C4orf50: variants seen among roughly 807,000 people sequenced by gnomAD.
C4orf50 encodes chromosome 4 open reading frame 50, also known as uncharacterized protein C4orf50.
C4orf50 carries 80 observed loss-of-function variants against 77.2 expected under a neutral mutation model. The observed-to-expected ratio is 1.04, with a 90% CI of 0.87 to 1.25. C4orf50 has a LOEUF of 1.25. C4orf50 is among the 50% of genes most tolerant of loss of function. The pLI is 0.00. For missense variants in C4orf50, 1,257 were observed against 1,152.9 expected (o/e 1.09, Z -1.31); for synonymous variants, 532 against 465.3 (o/e 1.14, Z -1.84).
At chr4:5,924,500 G>A (rs989952525) in intron 7 of C4orf50, among the ~76,000 whole-genome samples, 2 of 152,160 alleles carry the variant, frequency 1.3e-5, no homozygotes, top group African/African-American at 2.4e-5. Context: ...AAGGCCAGAC[G>A]GTTTGTTGGA....
At chr4:5,944,188 G>T (rs550102531) in intron 7 of C4orf50, among the ~76,000 whole-genome samples, 8 of 152,178 alleles carry the variant, frequency 5.3e-5, no homozygotes, top group Non-Finnish European at 1.0e-4. Context: ...GAGTCATAGT[G>T]GACAGTCTCT....
chr4:5,956,069 G>A (rs958255663), downstream of C4orf50, among the ~76,000 whole-genome samples: 3 of 152,180 alleles, frequency 2.0e-5, no homozygotes, highest in African/African-American at 4.8e-5. Context: ...ATATAACCAC[G>A]GGGATAGGTT....
At chr4:5,959,830 T>C (rs1322568115) in intron 33 of C4orf50, among the ~76,000 whole-genome samples, 1 of 152,226 alleles carries the variant, frequency 6.6e-6, no homozygotes, top group Non-Finnish European at 1.5e-5. Flanking sequence ...CATCACTGCG[T>C]TCTGGGTCAG....
Position 6,015,630 on chromosome 4 carries a change from G to A in C4orf50, c.287+2515C>T, listed in dbSNP as rs1002654514. On this transcript the variant is annotated intron_variant, in intron 23 of 33. Coordinates refer to ENST00000531445, the Ensembl canonical transcript of C4orf50. This position sits in a 1 kb window ranked among gnomAD's most constrained non-coding sequence, Gnocchi z 4.4. Reference sequence around the variant, plus strand: ...TGGTCTCCTCCTGCAGCTGTAACACGTCACCACAAGCTTGGCGGCCAGAAG... The same window carrying A: ...TGGTCTCCTCCTGCAGCTGTAACACATCACCACAAGCTTGGCGGCCAGAAG... Among the ~76,000 whole-genome samples the A allele has an allele frequency of 1.3e-5, 2 of 152,074 alleles. No individual in the cohort carries two copies. The highest frequency in any genetic ancestry group is 2.1e-4 in the South Asian group (1 of 4,810).
At chr4:6,010,485 T>C (rs1722448407) in intron 24 of C4orf50, among the ~76,000 whole-genome samples, 1 of 152,238 alleles carries the variant, frequency 6.6e-6, no homozygotes, top group Non-Finnish European at 1.5e-5. Context: ...GTGAACATCA[T>C]GCTCATTATA....
At chr4:5,963,123 C>T (rs541018136) in intron 33 of C4orf50, among the ~76,000 whole-genome samples, 40 of 151,990 alleles carry the variant, frequency 2.6e-4, no homozygotes, top group African/African-American at 8.0e-4. Context: ...CTCAGCCTCC[C>T]GAGTAGCTGA....
intron 33 of C4orf50, among the ~76,000 whole-genome samples, chr4:5,961,674 A>G (rs1333685604): frequency 6.6e-6 from 1 of 152,206 alleles, no homozygotes; most frequent in African/African-American, 2.4e-5. Context: ...CCACAGTGAC[A>G]GCTGAACCCA....
rs931949868 is a variant in C4orf50, at chr4:5,988,810, T to C, written c.3236A>G (p.Glu1079Gly). The change falls in exon 28 of 34, where the codon GAA becomes GGA. Residue 1079 changes from glutamate to glycine, a missense_variant. Physicochemically the swap from Glu to Gly is moderately conservative, Grantham distance 98 (BLOSUM62 -2). Coordinates refer to ENST00000531445, the Ensembl canonical transcript of C4orf50. The stretch of plus-strand genomic sequence containing the variant: ...CCCACTTAAGGCCCGGATCATGTCT[T>C]CTATTCCTAGCACGATATCCTTTAT... 2.0e-6 allele frequency: 3 copies of C among 1,535,988 alleles called. No homozygotes were observed. In the Admixed American group the frequency reaches 5.9e-5, roughly 30 times the overall value.
intron 28 of C4orf50, among the ~76,000 whole-genome samples, chr4:5,987,708 A>G (rs1441136916): frequency 6.7e-6 from 1 of 148,974 alleles, no homozygotes; most frequent in East Asian, 1.9e-4. Flanking sequence ...AGAAATAGAG[A>G]TAGAAAATGG....
rs748550016 is a variant in C4orf50 at position 5,980,156 on chromosome 4, A to G, written c.3864+18T>C. 2 of 1,554,446 alleles carry G rather than the reference A, an allele frequency of 1.3e-6. No homozygotes were observed. The highest frequency in any genetic ancestry group is 2.8e-5 in the African/African-American group (2 of 72,230). On this transcript the variant is annotated intron_variant, in intron 29 of 33. Transcript: ENST00000531445. ...GGAGCCCTGGCTGACAAGAGGGGAAAGAAAGCACTTCCCACACCTTGGCCT... is the reference window on the plus strand; with the variant it reads ...GGAGCCCTGGCTGACAAGAGGGGAAGGAAAGCACTTCCCACACCTTGGCCT...
intron 7 of C4orf50, among the ~76,000 whole-genome samples, chr4:5,911,673 G>A (rs1022679217): frequency 1.3e-5 from 2 of 152,176 alleles, no homozygotes; most frequent in African/African-American, 4.8e-5. Flanking sequence ...GCCCTGGTGG[G>A]GAACAGAAAT....
At chr4:5,942,282 G>A (rs1718299609) in intron 7 of C4orf50, among the ~76,000 whole-genome samples, 1 of 152,212 alleles carries the variant, frequency 6.6e-6, no homozygotes, top group Admixed American at 6.5e-5. Context: ...AAGATCAGGA[G>A]CAGGGTGGTC....
At position 5,970,168 on chromosome 4, in the gene C4orf50, C is replaced by T. The variant is rs576881735; in HGVS notation, c.4105-2706G>A. On this transcript the variant is annotated intron_variant, in intron 31 of 33. Coordinates refer to ENST00000531445, the Ensembl canonical transcript of C4orf50. The surrounding 1 kb of genome is among the most constrained non-coding windows in gnomAD (Gnocchi z 4.3). ...CACAGGAAAAAAAAAAAAAGGCCCACTGGGGCTAGGGGTCGGGGGGCATAG... is the reference window on the plus strand; with the variant it reads ...CACAGGAAAAAAAAAAAAAGGCCCATTGGGGCTAGGGGTCGGGGGGCATAG... Among the ~76,000 whole-genome samples, 16 of 150,812 alleles carry T rather than the reference C, an allele frequency of 1.1e-4. No individual in the cohort carries two copies. The highest frequency in any genetic ancestry group is 7.0e-3 in the Middle Eastern group (2 of 286).
chr4:5,912,545 C>T (rs776765608), intron 7 of C4orf50, among the ~76,000 whole-genome samples: 2 of 152,092 alleles, frequency 1.3e-5, no homozygotes, highest in Non-Finnish European at 2.9e-5. Context: ...TGAAAGAGTG[C>T]ACCAGTGTTC....
intron 7 of C4orf50, among the ~76,000 whole-genome samples, chr4:5,938,791 T>C (rs1431246210): frequency 9.0e-6 from 1 of 110,564 alleles, no homozygotes; most frequent in Non-Finnish European, 2.2e-5. Context: ...GTTTTTTTTC[T>C]TTTCTTTTTT....
At chr4:5,972,617 G>T (rs190202423) in intron 31 of C4orf50, among the ~76,000 whole-genome samples, 2 of 152,380 alleles carry the variant, frequency 1.3e-5, no homozygotes, top group East Asian at 3.9e-4. Flanking sequence ...AGGGTCAGAG[G>T]AGGTTGGCCT....
At chr4:5,982,301 G>A (rs941863708) in intron 28 of C4orf50, among the ~76,000 whole-genome samples, 1 of 152,154 alleles carries the variant, frequency 6.6e-6, no homozygotes, top group Non-Finnish European at 1.5e-5. Context: ...CTGTGCGGTG[G>A]GGGGTGGGCA....
intron 25 of C4orf50, among the ~76,000 whole-genome samples, chr4:6,003,893 ATGATGTGATGG>A (rs1721996859): frequency 1.0e-5 from 1 of 99,584 alleles, no homozygotes. Context: ...GATTATGGTG[ATGATGTGATGG>A]TGATGTTGAT....
At chr4:5,968,240 T>C (rs1719698309) in intron 31 of C4orf50, among the ~76,000 whole-genome samples, 1 of 152,216 alleles carries the variant, frequency 6.6e-6, no homozygotes, top group African/African-American at 2.4e-5. Flanking sequence ...CCAATTCAAA[T>C]GTTGCCTCCT....
Sources: allele counts gnomAD v4.1 joint callset (sites outside exome capture counted in the v4.1 genomes callset), GRCh38; gene constraint gnomAD v4.1.1; non-coding constraint Gnocchi (gnomAD v3.1); transcripts MANE v1.5; gene names NCBI Gene and HGNC (gene_info 2026-07-23, HGNC 2026-07-21).